SLC7A11: variants seen among roughly 807,000 people sequenced by gnomAD.
SLC7A11 encodes cystine/glutamate transporter.
SLC7A11 carries 35 observed loss-of-function variants against 54.5 expected under a neutral mutation model. The ratio of observed to expected loss-of-function variants is 0.64; its 90% CI spans 0.49 to 0.85. SLC7A11 has a LOEUF of 0.85. Ranked by LOEUF, SLC7A11 falls within the 40% of genes least tolerant of loss-of-function variation. The pLI, the probability that SLC7A11 is intolerant of heterozygous loss-of-function variation, is 0.00. For missense variants in SLC7A11, 583 were observed against 618.1 expected (o/e 0.94, Z 0.60); for synonymous variants, 230 against 225.2 (o/e 1.02, Z -0.19).
intron 11 of SLC7A11, among the ~76,000 whole-genome samples, chr4:138,175,282 T>C (rs1007149449): frequency 1.3e-5 from 2 of 152,192 alleles, no homozygotes; most frequent in Non-Finnish European, 2.9e-5. Flanking sequence ...TGCTGGTGTT[T>C]CCCAGTCTGA....
chr4:138,236,404 C>T lies in SLC7A11; in HGVS notation c.325G>A (p.Gly109Ser), dbSNP rs1388089898. Reference sequence around the variant, plus strand: ...ACTTCCAAAATATATGTGTAATGACCTCCAGATTTCTTTATAGTTGTTCCC... The same window carrying T: ...ACTTCCAAAATATATGTGTAATGACTTCCAGATTTCTTTATAGTTGTTCCC... ...ELGTTIKKSG[G>S]HYTYILEVFG... Residue 109 changes from glycine (G) to serine (S), a missense_variant, in exon 2 of 12, where the codon GGT (glycine) becomes AGT (serine). Coordinates refer to ENST00000280612, the MANE Select transcript of SLC7A11 (RefSeq NM_014331.4). The T allele has an allele frequency of 4.3e-6, 7 of 1,612,676 alleles. No homozygotes were observed. The highest frequency in any genetic ancestry group is 5.9e-6 in the Non-Finnish European group (7 of 1,179,166).
chr4:138,234,224 C>T, intron 2 of SLC7A11, among the ~76,000 whole-genome samples: 1 of 152,216 alleles, frequency 6.6e-6, no homozygotes, highest in East Asian at 1.9e-4. Flanking sequence ...AGTGCACACG[C>T]AAATTCGGTT....
chr4:138,173,423 T>C lies in SLC7A11; in HGVS notation c.1445-1406A>G, dbSNP rs530553435. 2.4e-3 allele frequency among the ~76,000 whole-genome samples: 364 copies of C among 151,926 alleles called. 1 individual carries two copies. Among genetic ancestry groups the C allele is most frequent in the Non-Finnish European group, 4.5e-3 (307 of 67,962 alleles). ...GCTGAGGTGGGTGGATCACCTGAGGTTGGGAGTTCGAGACCAGCCCCACTA... is the reference window on the plus strand; with the variant it reads ...GCTGAGGTGGGTGGATCACCTGAGGCTGGGAGTTCGAGACCAGCCCCACTA... On this transcript the variant is annotated intron_variant, in intron 11 of 11. Transcript: ENST00000280612.
At chr4:138,173,617 A>G (rs368963835) in intron 11 of SLC7A11, among the ~76,000 whole-genome samples, 8 of 151,886 alleles carry the variant, frequency 5.3e-5, no homozygotes, top group African/African-American at 1.9e-4. Flanking sequence ...GTGGGCAACA[A>G]GAATGAAACT....
intron 5 of SLC7A11, among the ~76,000 whole-genome samples, chr4:138,215,593 A>G (rs1737660722): frequency 6.6e-6 from 1 of 152,154 alleles, no homozygotes; most frequent in Admixed American, 6.6e-5. Flanking sequence ...TCAGCAACCA[A>G]AGATTTTTCT....
intron 4 of SLC7A11, 73 bp from the exon 5 acceptor site, chr4:138,219,438 G>C (rs904583511): frequency 1.2e-6 from 1 of 829,236 alleles, no homozygotes; most frequent in Non-Finnish European, 2.0e-6. Context: ...CAGAAACATG[G>C]GGGTGCGGAG....
intron 2 of SLC7A11, among the ~76,000 whole-genome samples, chr4:138,232,972 TA>T (rs1738117234): frequency 1.3e-5 from 2 of 151,938 alleles, no homozygotes; most frequent in Admixed American, 1.3e-4. Context: ...TTAAAAATAA[TA>T]GATTTATTAT....
chr4:138,196,626 TTTTAA>T (rs200356272), intron 6 of SLC7A11, among the ~76,000 whole-genome samples: 9 of 152,066 alleles, frequency 5.9e-5, no homozygotes, highest in Non-Finnish European at 8.8e-5. Flanking sequence ...TGTTGCCTTT[TTTTAA>T]TTTAATTTAA....
chr4:138,227,253 G>T (rs1300797834), intron 3 of SLC7A11, among the ~76,000 whole-genome samples: 1 of 152,184 alleles, frequency 6.6e-6, no homozygotes, highest in Non-Finnish European at 1.5e-5. Context: ...TGGATATTGT[G>T]TATGTATGTT....
At chr4:138,218,404 A>G (rs577580360) in intron 5 of SLC7A11, among the ~76,000 whole-genome samples, 60 of 152,334 alleles carry the variant, frequency 3.9e-4, no homozygotes, top group African/African-American at 1.4e-3. Flanking sequence ...ATTTAATCTT[A>G]CTACAATGAT....
chr4:138,170,497 G>A lies in SLC7A11; in HGVS notation c.*1459C>T, dbSNP rs1736399358. 1 of 151,104 alleles carries A rather than the reference G, an allele frequency of 6.6e-6. No individual in the cohort carries two copies. The highest frequency in any genetic ancestry group is 2.4e-5 in the African/African-American group (1 of 41,092). The allele number at this position is 151,104 out of a possible 1,614,324, so 9.4% of individuals were successfully genotyped here. A position where few individuals can be genotyped will look rare whatever the true frequency, so the allele number is the denominator to read the frequency against. On this transcript the variant is annotated 3_prime_UTR_variant, in exon 12 of 12. Coordinates refer to ENST00000280612, the MANE Select transcript of SLC7A11 (RefSeq NM_014331.4). ...ATGCCCAGCTAATTTTGTATTTTTA[G>A]TAGAGATGGGGTTTCTCCATGTTGG...
rs561348461 is a variant in SLC7A11, at chr4:138,165,773, C to G, written c.*6183G>C. The G allele has an allele frequency of 6.6e-6, 1 of 152,164 alleles. No individual in the cohort carries two copies. Among genetic ancestry groups the G allele is most frequent in the East Asian group, 1.9e-4 (1 of 5,172 alleles). 9.4% of individuals were successfully genotyped at this position (152,164 alleles called of 1,614,324 possible). A position where few individuals can be genotyped will look rare whatever the true frequency, so the allele number is the denominator to read the frequency against. On this transcript the variant is annotated 3_prime_UTR_variant, in exon 12 of 12. Transcript: ENST00000280612. Reference sequence around the variant, plus strand: ...ATAACATCAAAGGAAGAACCCAGTTCTTAAGACTTAAGTAGGAAATTTATA... The same window carrying G: ...ATAACATCAAAGGAAGAACCCAGTTGTTAAGACTTAAGTAGGAAATTTATA...
At chr4:138,203,711 T>C (rs1392091356) in intron 6 of SLC7A11, among the ~76,000 whole-genome samples, 1 of 152,090 alleles carries the variant, frequency 6.6e-6, no homozygotes, top group African/African-American at 2.4e-5. Flanking sequence ...CATATCTTCA[T>C]GGACTATAAA....
intron 5 of SLC7A11, among the ~76,000 whole-genome samples, chr4:138,215,852 G>T (rs189869257): frequency 2.5e-3 from 379 of 152,202 alleles, no homozygotes; most frequent in African/African-American, 8.6e-3. Flanking sequence ...GTCAAAAATA[G>T]CCAGTTCCTT....
intron 6 of SLC7A11, among the ~76,000 whole-genome samples, chr4:138,195,880 C>T (rs1219661645): frequency 6.6e-6 from 1 of 152,148 alleles, no homozygotes; most frequent in Non-Finnish European, 1.5e-5. Flanking sequence ...TCAAGCATAA[C>T]TCTGCTTTTT....
intron 6 of SLC7A11, 90 bp downstream of exon 6, chr4:138,214,495 A>C: frequency 1.5e-6 from 1 of 671,842 alleles, no homozygotes; most frequent in Non-Finnish European, 2.5e-6. Flanking sequence ...ACTAGCCCAC[A>C]CTGAATTCCT....
chr4:138,177,621 C>T (rs1736610987), intron 11 of SLC7A11: 1 of 152,136 alleles, frequency 6.6e-6, no homozygotes, highest in African/African-American at 2.4e-5. Context: ...TTCCTGAGCT[C>T]TGGTGTTCTC....
chr4:138,183,432 T>A (rs1736796917), intron 7 of SLC7A11, 127 bp from the exon 8 acceptor site: 9 of 667,850 alleles, frequency 1.3e-5, no homozygotes, highest in Non-Finnish European at 2.2e-5. Context: ...TTATAATTTC[T>A]CTCTTTGGTT....
At chr4:138,222,620 A>C (rs1737842240) in intron 4 of SLC7A11, among the ~76,000 whole-genome samples, 1 of 152,254 alleles carries the variant, frequency 6.6e-6, no homozygotes, top group Non-Finnish European at 1.5e-5. Flanking sequence ...AAGTAATCGC[A>C]GAAATGCGAA....
Sources: gnomAD v4.1 joint callset for allele counts (sites outside exome capture counted in the v4.1 genomes callset) on GRCh38, gnomAD v4.1.1 for gene constraint, MANE v1.5 for transcripts, NCBI Gene and HGNC (gene_info 2026-07-23, HGNC 2026-07-21) for gene names.